The following OCA2 variants were observed in gnomAD, a reference collection of about 807,000 sequenced individuals.
OCA2 encodes the protein OCA2 melanosomal transmembrane protein, also known as P protein.
Under a neutral mutation model 100.2 loss-of-function variants are expected in OCA2, and 77 were observed. The observed-to-expected ratio is 0.77, with a 90% CI of 0.64 to 0.93. OCA2 has a LOEUF of 0.93. Ranked by LOEUF, OCA2 falls within the 40% of genes least tolerant of loss-of-function variation. The pLI is 0.00. For synonymous variants in OCA2, 432 were observed against 439.2 expected, an observed-to-expected ratio of 0.98 and a Z score of 0.21; for missense variants, 1,062 against 1,089.1, an observed-to-expected ratio of 0.98 and a Z score of 0.35.
At position 28,076,779 on chromosome 15, in the gene OCA2, G is replaced by A. The variant is rs571953181; in HGVS notation, c.227+4869C>T. Among the ~76,000 whole-genome samples, 94 of 148,666 alleles carry A rather than the reference G, an allele frequency of 6.3e-4. 1 individual carries two copies. In the South Asian group the frequency reaches 0.017, roughly 28 times the overall value. Reference sequence around the variant, plus strand: ...GGAGAATGGCGTGAACCCGGGAAGCGGAGCTTGCAGTGAGCCGAGATTGCG... The same window carrying A: ...GGAGAATGGCGTGAACCCGGGAAGCAGAGCTTGCAGTGAGCCGAGATTGCG... On this transcript the variant is annotated intron_variant, in intron 2 of 23. Transcript: ENST00000354638.
At chr15:28,024,670 C>T (rs1006603460) in intron 5 of OCA2, among the ~76,000 whole-genome samples, 175 bp downstream of exon 5, 5 of 152,198 alleles carry the variant, frequency 3.3e-5, no homozygotes, top group African/African-American at 4.8e-5. Context: ...GCGGCCTCGA[C>T]CCCCTCAGCC....
At chr15:27,948,940 G>T (rs752301585) in intron 18 of OCA2, among the ~76,000 whole-genome samples, 33 of 152,310 alleles carry the variant, frequency 2.2e-4, no homozygotes, top group Non-Finnish European at 3.7e-4. Flanking sequence ...GACCGGGGGA[G>T]GGTGGCTACA....
At chr15:27,909,539 G>T (rs945155729) in intron 19 of OCA2, among the ~76,000 whole-genome samples, 8 of 152,102 alleles carry the variant, frequency 5.3e-5, no homozygotes, top group Non-Finnish European at 1.2e-4. Flanking sequence ...TTTGATGCTG[G>T]TCCATTAACA....
intron 23 of OCA2, among the ~76,000 whole-genome samples, chr15:27,824,493 A>G (rs1244054290): frequency 6.6e-6 from 1 of 151,236 alleles, no homozygotes; most frequent in Non-Finnish European, 1.5e-5. Context: ...TGCTGATATA[A>G]AGGGAGAAAA....
chr15:27,863,972 T>C (rs1324112346), intron 21 of OCA2, among the ~76,000 whole-genome samples: 1 of 152,148 alleles, frequency 6.6e-6, no homozygotes, highest in Non-Finnish European at 1.5e-5. Context: ...ATGTGCCACT[T>C]GGATTTCACG....
chr15:27,962,064 T>C (rs977376116), intron 15 of OCA2, among the ~76,000 whole-genome samples: 2 of 152,202 alleles, frequency 1.3e-5, no homozygotes, highest in Non-Finnish European at 2.9e-5. Flanking sequence ...ATGACTGATA[T>C]TTATCTAGCT....
the OCA2 span, among the ~76,000 whole-genome samples, chr15:27,740,427 T>G: frequency 6.6e-6 from 1 of 151,942 alleles, no homozygotes; most frequent in Non-Finnish European, 1.5e-5. Context: ...CCTGGGAGGG[T>G]CAGGGAAGGA....
chr15:28,016,265 G>C (rs1461547837), intron 7 of OCA2, 79 bp from the exon 8 acceptor site: 25 of 1,100,872 alleles, frequency 2.3e-5, no homozygotes, highest in Non-Finnish European at 3.5e-5. Context: ...CTCGGTCTAG[G>C]TATTTGTTTC....
At chr15:27,871,983 A>G in intron 19 of OCA2, 61 bp from the exon 20 acceptor site, 1 of 1,269,976 alleles carries the variant, frequency 7.9e-7, no homozygotes, top group Non-Finnish European at 1.1e-6. Context: ...CAAGATTTAA[A>G]AAAAAAGTCT....
chr15:27,898,721 A>G (rs1387734671), intron 19 of OCA2, among the ~76,000 whole-genome samples: 1 of 152,224 alleles, frequency 6.6e-6, no homozygotes, highest in African/African-American at 2.4e-5. Flanking sequence ...CATTCTTTAC[A>G]TTGTTGTGAC....
intron 23 of OCA2, among the ~76,000 whole-genome samples, chr15:27,833,097 T>C (rs2035024004): frequency 6.6e-6 from 1 of 152,256 alleles, no homozygotes; most frequent in Non-Finnish European, 1.5e-5. Flanking sequence ...ACTACAGGCA[T>C]GAGCCATCAT....
intron 1 of OCA2, among the ~76,000 whole-genome samples, chr15:28,083,831 T>C (rs924971496): frequency 1.3e-5 from 2 of 152,228 alleles, no homozygotes; most frequent in Non-Finnish European, 2.9e-5. Flanking sequence ...TCACAAATTA[T>C]GTAACTGGTC....
At chr15:27,812,558 C>T (rs557223327) in intron 23 of OCA2, among the ~76,000 whole-genome samples, 56 of 152,232 alleles carry the variant, frequency 3.7e-4, no homozygotes, top group Admixed American at 1.4e-3. Flanking sequence ...GCCAATTGTA[C>T]GTTAAGCTGC....
At chr15:28,009,174 T>A (rs2042168186) in intron 9 of OCA2, among the ~76,000 whole-genome samples, 1 of 152,160 alleles carries the variant, frequency 6.6e-6, no homozygotes, top group South Asian at 2.1e-4. Flanking sequence ...AGGTAGAACA[T>A]ACTATTCCTT....
intron 15 of OCA2, among the ~76,000 whole-genome samples, chr15:27,959,486 C>T (rs1052687744): frequency 2.0e-5 from 3 of 152,212 alleles, no homozygotes; most frequent in Non-Finnish European, 4.4e-5. Flanking sequence ...TCATCCAGTG[C>T]TCTAAATCTT....
chr15:27,958,828 G>T (rs1046693593), intron 15 of OCA2, among the ~76,000 whole-genome samples: 3 of 152,150 alleles, frequency 2.0e-5, no homozygotes, highest in Non-Finnish European at 4.4e-5. Flanking sequence ...AAGAATTAAA[G>T]ATAGGATGAA....
chr15:27,859,057 CAT>C (rs2036039800), intron 21 of OCA2, among the ~76,000 whole-genome samples: 1 of 151,978 alleles, frequency 6.6e-6, no homozygotes, highest in African/African-American at 2.4e-5. Flanking sequence ...GCTATAAATG[CAT>C]ATATTATAAA....
chr15:27,915,907 A>G (rs1788001481), intron 19 of OCA2, among the ~76,000 whole-genome samples: 1 of 152,158 alleles, frequency 6.6e-6, no homozygotes, highest in African/African-American at 2.4e-5. Context: ...TATGTTCATC[A>G]CAGCACTATT....
chr15:27,813,277 G>A (rs186100821), intron 23 of OCA2, among the ~76,000 whole-genome samples: 27 of 152,184 alleles, frequency 1.8e-4, no homozygotes, highest in Admixed American at 3.3e-4. Flanking sequence ...CCAGCCTAGT[G>A]GGAAGGGCCT....
Sources: allele counts gnomAD v4.1 joint callset (sites outside exome capture counted in the v4.1 genomes callset), GRCh38; gene constraint gnomAD v4.1.1; transcripts MANE v1.5; gene names NCBI Gene and HGNC (gene_info 2026-07-23, HGNC 2026-07-21).